SLC29A3: variants seen among roughly 807,000 people sequenced by gnomAD.
SLC29A3 encodes solute carrier family 29 member 3.
SLC29A3 carries 18 observed loss-of-function variants against 25.4 expected under a neutral mutation model. The observed-to-expected ratio is 0.71, with a 90% CI of 0.49 to 1.05. The LOEUF (loss-of-function observed/expected upper bound fraction) is 1.05. SLC29A3 is among the 50% of genes least tolerant of loss of function. The probability of loss-of-function intolerance (pLI) is 0.00; values close to 1 mark genes in which losing one functional copy is unlikely to be tolerated. For synonymous variants in SLC29A3, 258 were observed against 267.1 expected (o/e 0.97, Z 0.33); for missense variants, 586 against 609.0 (o/e 0.96, Z 0.40).
chr10:71,351,801 G>A lies in SLC29A3; in HGVS notation c.610+13G>A, dbSNP rs751638776. ...GCACTGATATCAGGTGAGAGCCAGG[G>A]TCCGGGCAGCTGACCAGGTTCATCC... On this transcript the variant is annotated intron_variant, in intron 4 of 5. Coordinates refer to ENST00000373189, the MANE Select transcript of SLC29A3 (RefSeq NM_018344.6). 1.3e-6 allele frequency: 2 copies of A among 1,599,940 alleles called. No individual in the cohort carries two copies. Among genetic ancestry groups the A allele is most frequent in the Non-Finnish European group, 1.7e-6 (2 of 1,174,750 alleles).
exon 5 of SLC29A3, chr10:71,380,447 G>A (rs985419701): frequency 6.6e-6 from 1 of 152,164 alleles, no homozygotes; most frequent in African/African-American, 2.4e-5. Context: ...CTCCCCTGAG[G>A]TTGTTCTAAT....
chr10:71,372,936 G>A (rs1284002101), intron 3 of SLC29A3, among the ~76,000 whole-genome samples: 4 of 152,252 alleles, frequency 2.6e-5, no homozygotes, highest in East Asian at 3.9e-4. Flanking sequence ...GAGACAGTGA[G>A]GCTGAGGGGC....
chr10:71,374,943 C>T (rs1286682005), intron 3 of SLC29A3, among the ~76,000 whole-genome samples: 3 of 152,140 alleles, frequency 2.0e-5, no homozygotes, highest in Admixed American at 1.3e-4. Flanking sequence ...TTCTTGGGGT[C>T]CTGGGAGGAT....
intron 2 of SLC29A3, among the ~76,000 whole-genome samples, chr10:71,340,316 T>A (rs1846367868): frequency 6.6e-6 from 1 of 152,188 alleles, no homozygotes; most frequent in African/African-American, 2.4e-5. Context: ...GTGGCATAAT[T>A]CTGAGTGGCG....
intron 2 of SLC29A3, among the ~76,000 whole-genome samples, chr10:71,337,654 A>G (rs1265099655): frequency 6.6e-6 from 1 of 152,212 alleles, no homozygotes; most frequent in Admixed American, 6.5e-5. Context: ...AATTTGCTGC[A>G]CTTATTTCAA....
intron 5 of SLC29A3, among the ~76,000 whole-genome samples, chr10:71,361,433 A>T (rs1193230895): frequency 6.6e-6 from 1 of 152,226 alleles, no homozygotes; most frequent in East Asian, 1.9e-4. Flanking sequence ...AAGTATTGGG[A>T]TTATAGGCGT....
intron 1 of SLC29A3, among the ~76,000 whole-genome samples, chr10:71,320,426 A>T (rs2131792269): frequency 6.6e-6 from 1 of 152,306 alleles, no homozygotes; most frequent in Admixed American, 6.5e-5. Context: ...ATGGATCTGG[A>T]GGCTGGGAAG....
intron 2 of SLC29A3, among the ~76,000 whole-genome samples, chr10:71,329,323 C>T (rs1392885894): frequency 2.0e-5 from 3 of 152,048 alleles, no homozygotes; most frequent in African/African-American, 7.2e-5. Flanking sequence ...AATACCCCAC[C>T]TGCGTGTGCC....
At chr10:71,320,561 G>C (rs995190619) in intron 1 of SLC29A3, among the ~76,000 whole-genome samples, 11 of 152,176 alleles carry the variant, frequency 7.2e-5, no homozygotes, top group African/African-American at 2.7e-4. Flanking sequence ...TGTGGAAAAA[G>C]CGATTTTCCA....
At chr10:71,360,015 T>C (rs1158455310) in intron 5 of SLC29A3, among the ~76,000 whole-genome samples, 1 of 152,130 alleles carries the variant, frequency 6.6e-6, no homozygotes, top group Admixed American at 6.5e-5. Flanking sequence ...AGGAAGACAC[T>C]TCTATAGGCT....
At chr10:71,378,805 G>A (rs2131861910) in intron 4 of SLC29A3, among the ~76,000 whole-genome samples, 1 of 152,292 alleles carries the variant, frequency 6.6e-6, no homozygotes, top group Middle Eastern at 3.4e-3. Context: ...TAACCTGCTT[G>A]ATAACACATC....
intron 2 of SLC29A3, among the ~76,000 whole-genome samples, chr10:71,327,840 C>T (rs56275535): frequency 0.18 from 27,880 of 151,566 alleles, 2,795 homozygotes; most frequent in African/African-American, 0.26. Flanking sequence ...CTGGACCCAG[C>T]GTCCCTTGTC....
chr10:71,321,566 A>G (rs942493457), intron 1 of SLC29A3, among the ~76,000 whole-genome samples: 1 of 152,256 alleles, frequency 6.6e-6, no homozygotes, highest in Non-Finnish European at 1.5e-5. Context: ...TTCAGCAGCC[A>G]GCCAGCCAGC....
Position 71,362,711 on chromosome 10 carries a change from G to T in SLC29A3, c.*103G>T, listed in dbSNP as rs780680. 150,888 of 1,497,850 alleles carry T rather than the reference G, an allele frequency of 0.1. 8,389 individuals carry two copies. The highest frequency in any genetic ancestry group is 0.17 in the South Asian group (14,373 of 86,260). The allele number at this position is 1,497,850 out of a possible 1,614,324, so 92.8% of individuals were successfully genotyped here. A position where few individuals can be genotyped will look rare whatever the true frequency, so the allele number is the denominator to read the frequency against. ...AGGAAAGGCCTAAAGTTTCACTTGG[G>T]GACAGAGAGCAGAGCACACTCGGGC... is the stretch of plus-strand genomic sequence containing the variant. On this transcript the variant is annotated 3_prime_UTR_variant, in exon 6 of 6. Transcript: ENST00000373189.
Position 71,344,924 on chromosome 10 carries a change from G to A in SLC29A3, c.383+633G>A, listed in dbSNP as rs558506283. 5.9e-5 allele frequency among the ~76,000 whole-genome samples: 9 copies of A among 152,312 alleles called. 1 individual carries two copies. In the South Asian group the frequency reaches 1.9e-3, roughly 32 times the overall value. ...GATATCAATGGCTATGTTATGGTCG[G>A]TCCAGAAACCTGGGCTGCTGTTCGC... On this transcript the variant is annotated intron_variant, in intron 3 of 5. Transcript: ENST00000373189.
intron 3 of SLC29A3, among the ~76,000 whole-genome samples, chr10:71,349,350 A>G (rs1168457436): frequency 1.3e-5 from 2 of 152,028 alleles, no homozygotes; most frequent in Middle Eastern, 3.2e-3. Context: ...CTTTTCCTCC[A>G]TGTCTAGCCT....
chr10:71,379,975 T>C (rs1282303137), exon 5 of SLC29A3: 1 of 152,292 alleles, frequency 6.6e-6, no homozygotes, highest in Non-Finnish European at 1.5e-5. Context: ...ATGTGCCCCT[T>C]AACCTGGAGC....
intron 4 of SLC29A3, among the ~76,000 whole-genome samples, chr10:71,379,403 C>T (rs1049421473): frequency 2.6e-5 from 4 of 152,210 alleles, no homozygotes; most frequent in African/African-American, 9.7e-5. Flanking sequence ...AGGTAACAGC[C>T]AATGTCCCAA....
chr10:71,380,989 A>G (rs534275878), exon 5 of SLC29A3: 1 of 152,010 alleles, frequency 6.6e-6, no homozygotes, highest in East Asian at 1.9e-4. Context: ...ACAATGATCA[A>G]CTCGAGGTCA....
Sources: allele counts gnomAD v4.1 joint callset (sites outside exome capture counted in the v4.1 genomes callset), GRCh38; gene constraint gnomAD v4.1.1; transcripts MANE v1.5; gene names NCBI Gene and HGNC (gene_info 2026-07-23, HGNC 2026-07-21).